Variants in PRKG1 observed in about 807,000 individuals in gnomAD.
The protein encoded by PRKG1 is protein kinase cGMP-dependent 1.
In PRKG1, 35 loss-of-function variants were observed where a neutral mutation model predicts 88.1. The observed-to-expected ratio is 0.40, with a 90% CI of 0.30 to 0.53. The LOEUF is 0.53. Among genes scored for constraint, PRKG1 ranks in the 20% least tolerant of loss-of-function variants. PRKG1 has a pLI of 0.59. For missense variants in PRKG1, 540 were observed against 839.8 expected, an observed-to-expected ratio of 0.64 and a Z score of 4.41; for synonymous variants, 303 against 292.5, an observed-to-expected ratio of 1.04 and a Z score of -0.37.
In PRKG1 at chr10:51,563,119, G is replaced by A. The variant is rs534489717; in HGVS notation, c.592+95283G>A. On this transcript the variant is annotated intron_variant, in intron 3 of 17. Transcript: ENST00000373980. Reference sequence around the variant, plus strand: ...GATTCATTCTTCAGAAAATGGTTTTGCTTCAGCATTGTTTATTAAGTAGAA... The same window carrying A: ...GATTCATTCTTCAGAAAATGGTTTTACTTCAGCATTGTTTATTAAGTAGAA... Among the ~76,000 whole-genome samples the A allele has an allele frequency of 8.4e-4, 127 of 152,056 alleles. 1 individual carries two copies. Among genetic ancestry groups the A allele is most frequent in the Non-Finnish European group, 1.5e-3 (100 of 67,956 alleles).
At chr10:51,272,419 T>C (rs1303589192) in intron 2 of PRKG1, among the ~76,000 whole-genome samples, 3 of 152,010 alleles carry the variant, frequency 2.0e-5, no homozygotes, top group South Asian at 4.2e-4. Context: ...GATGGGTTGA[T>C]GGGTGCAGCA....
At chr10:51,359,037 T>C (rs1842425353) in intron 2 of PRKG1, among the ~76,000 whole-genome samples, 1 of 151,736 alleles carries the variant, frequency 6.6e-6, no homozygotes, top group Non-Finnish European at 1.5e-5. Flanking sequence ...TAAATTTATA[T>C]GGATTATTGC....
intron 3 of PRKG1, among the ~76,000 whole-genome samples, chr10:51,728,458 T>TTG: frequency 1.1e-5 from 1 of 90,458 alleles, no homozygotes; most frequent in East Asian, 2.1e-4. Flanking sequence ...TCTTTGTTTT[T>TTG]TTTTTTTTTT....
chr10:52,224,508 T>G (rs919416179), intron 9 of PRKG1, among the ~76,000 whole-genome samples: 34 of 149,938 alleles, frequency 2.3e-4, no homozygotes, highest in African/African-American at 7.8e-4. Flanking sequence ...CATAAGTAAG[T>G]TTTTTAGTGG....
intron 1 of PRKG1, among the ~76,000 whole-genome samples, chr10:51,124,292 A>G (rs977761394): frequency 6.6e-6 from 1 of 151,988 alleles, no homozygotes; most frequent in African/African-American, 2.4e-5. Context: ...TCTTTTGTGG[A>G]CCCAAATTTG....
intron 3 of PRKG1, among the ~76,000 whole-genome samples, chr10:51,535,054 G>A (rs1201284529): frequency 6.6e-6 from 1 of 152,078 alleles, no homozygotes; most frequent in African/African-American, 2.4e-5. Context: ...AAGTTTTTTG[G>A]GAAAGGATAG....
intron 4 of PRKG1, among the ~76,000 whole-genome samples, chr10:51,824,681 A>T (rs1354082572): frequency 6.6e-6 from 1 of 152,092 alleles, no homozygotes; most frequent in Non-Finnish European, 1.5e-5. Flanking sequence ...GCTTTTACTC[A>T]TGGCAGAAGG....
intron 5 of PRKG1, among the ~76,000 whole-genome samples, chr10:51,925,405 T>C (rs548616671): frequency 9.2e-5 from 14 of 152,220 alleles, no homozygotes; most frequent in Non-Finnish European, 2.1e-4. Context: ...ACTGATGTAG[T>C]GATAAAGTGT....
intron 2 of PRKG1, among the ~76,000 whole-genome samples, chr10:51,347,334 C>A (rs1413499718): frequency 1.3e-5 from 2 of 152,044 alleles, no homozygotes; most frequent in African/African-American, 4.8e-5. Flanking sequence ...ATTCTTTTAA[C>A]GACGGAAAAG....
intron 2 of PRKG1, among the ~76,000 whole-genome samples, chr10:51,463,880 CAGGTG>C (rs1839809357): frequency 6.6e-6 from 1 of 152,194 alleles, no homozygotes; most frequent in Admixed American, 6.5e-5. Flanking sequence ...GTTCACATAA[CAGGTG>C]TGAGAAAGGA....
intron 2 of PRKG1, among the ~76,000 whole-genome samples, chr10:51,436,384 C>G (rs1189865316): frequency 6.6e-6 from 1 of 151,898 alleles, no homozygotes; most frequent in Non-Finnish European, 1.5e-5. Flanking sequence ...TGTCTACCAA[C>G]TGATGCTGCA....
intron 7 of PRKG1, among the ~76,000 whole-genome samples, chr10:52,090,113 T>C (rs191762851): frequency 1.5e-4 from 23 of 152,174 alleles, no homozygotes; most frequent in African/African-American, 5.3e-4. Flanking sequence ...ACACCCGGCC[T>C]AGATTGTTGT....
At chr10:52,275,691 A>G (rs1298790605) in intron 12 of PRKG1, among the ~76,000 whole-genome samples, 1 of 152,042 alleles carries the variant, frequency 6.6e-6, no homozygotes, top group Non-Finnish European at 1.5e-5. Flanking sequence ...TATGAATTTT[A>G]GAATTTTTTT....
At chr10:51,184,922 G>A (rs769844006) in intron 2 of PRKG1, among the ~76,000 whole-genome samples, 3 of 152,098 alleles carry the variant, frequency 2.0e-5, no homozygotes, top group Non-Finnish European at 4.4e-5. Flanking sequence ...CCTAGTGACA[G>A]CAGGTATACG....
intron 7 of PRKG1, chr10:52,128,419 T>C: frequency 1.0e-6 from 1 of 985,384 alleles, no homozygotes; most frequent in Non-Finnish European, 1.2e-6. Flanking sequence ...ACAAGAGAAT[T>C]GGTTTAGAAC....
At chr10:51,211,389 C>T (rs1237433603) in intron 2 of PRKG1, among the ~76,000 whole-genome samples, 4 of 152,120 alleles carry the variant, frequency 2.6e-5, no homozygotes, top group Non-Finnish European at 5.9e-5. Flanking sequence ...GGAAGCATTC[C>T]GTTTGAAAAC....
chr10:51,471,752 C>T (rs972667963), intron 3 of PRKG1, among the ~76,000 whole-genome samples: 1 of 151,852 alleles, frequency 6.6e-6, no homozygotes, highest in Non-Finnish European at 1.5e-5. Flanking sequence ...CTCAGTGCCT[C>T]CAGACCTTTG....
chr10:52,191,376 T>C (rs545170155), intron 9 of PRKG1, among the ~76,000 whole-genome samples: 3 of 151,428 alleles, frequency 2.0e-5, no homozygotes, highest in Non-Finnish European at 4.4e-5. Flanking sequence ...CCATGTTGCC[T>C]AGGCTGTTTT....
intron 4 of PRKG1, among the ~76,000 whole-genome samples, chr10:51,821,334 G>A (rs1015038641): frequency 7.9e-5 from 12 of 152,114 alleles, no homozygotes; most frequent in Non-Finnish European, 1.8e-4. Context: ...TTTCGTGAGC[G>A]TCTGCCTTCA....
Sources: allele counts gnomAD v4.1 joint callset (sites outside exome capture counted in the v4.1 genomes callset), GRCh38; gene constraint gnomAD v4.1.1; transcripts MANE v1.5; gene names NCBI Gene and HGNC (gene_info 2026-07-23, HGNC 2026-07-21).